Variants in TCHP observed in about 807,000 individuals in gnomAD.
TCHP encodes trichoplein keratin filament-binding protein.
A neutral mutation model predicts 88.7 loss-of-function variants in TCHP; 81 were observed. The ratio of observed to expected loss-of-function variants is 0.91; its 90% CI spans 0.76 to 1.10. The LOEUF (loss-of-function observed/expected upper bound fraction) is 1.10. Ranked by LOEUF, TCHP falls within the 50% of genes least tolerant of loss-of-function variation. The pLI is 0.00. For synonymous variants in TCHP, 232 were observed against 232.5 expected, an observed-to-expected ratio of 1.00 and a Z score of 0.02; for missense variants, 641 against 632.1, an observed-to-expected ratio of 1.01 and a Z score of -0.15.
At chr12:109,885,780 CTTTT>C in the TCHP span, among the ~76,000 whole-genome samples, 1 of 143,702 alleles carries the variant, frequency 7.0e-6, no homozygotes, top group Non-Finnish European at 1.5e-5. Context: ...CGCACCCCGC[CTTTT>C]TTTTTTTTTA....
At position 109,903,806 on chromosome 12, in the gene TCHP, G is replaced by A. The variant is rs192142670; in HGVS notation, c.189-131G>A. The A allele has an allele frequency of 3.8e-4, 276 of 724,318 alleles. 2 individuals carry two copies. In the African/African-American group the frequency reaches 4.6e-3, roughly 12 times the overall value. The allele number at this position is 724,318 out of a possible 1,614,324, so 44.9% of individuals were successfully genotyped here. A position where few individuals can be genotyped will look rare whatever the true frequency, so the allele number is the denominator to read the frequency against. On this transcript the variant is annotated intron_variant, in intron 2 of 12. Coordinates refer to ENST00000405876, the MANE Select transcript of TCHP (RefSeq NM_001143852.2). This position sits in a 1 kb window ranked among gnomAD's most constrained non-coding sequence, Gnocchi z 4.6. ...TACTATTCTGTGACCTGCTGTCTCT[G>A]CTTTGGCTGGGGACACATTCCTGTG...
At chr12:109,906,346 A>G (rs929539397) in intron 4 of TCHP, among the ~76,000 whole-genome samples, 1 of 152,124 alleles carries the variant, frequency 6.6e-6, no homozygotes, top group South Asian at 2.1e-4. Flanking sequence ...AGCTCAAAAG[A>G]TTGGTGTAGG....
chr12:109,916,205 G>A (rs750799500), intron 12 of TCHP, among the ~76,000 whole-genome samples: 9 of 152,216 alleles, frequency 5.9e-5, no homozygotes, highest in African/African-American at 2.2e-4. Flanking sequence ...CAGAATGAGG[G>A]CTGGCTCCCT....
the TCHP span, among the ~76,000 whole-genome samples, chr12:109,884,349 C>T: frequency 4.6e-5 from 7 of 151,956 alleles, no homozygotes; most frequent in African/African-American, 9.7e-5. Flanking sequence ...CCACCACACC[C>T]GGCTAATTTG....
chr12:109,892,255 A>G, the TCHP span, among the ~76,000 whole-genome samples: 1 of 152,184 alleles, frequency 6.6e-6, no homozygotes, highest in African/African-American at 2.4e-5. Flanking sequence ...TCCTGACACC[A>G]AGTGACCTGG....
chr12:109,881,544 C>G, the TCHP span, among the ~76,000 whole-genome samples: 4 of 152,236 alleles, frequency 2.6e-5, no homozygotes, highest in South Asian at 2.1e-4. Context: ...TGAGCCTCTA[C>G]GCTCAAGCCT....
In TCHP at chr12:109,907,197, G is replaced by A. The variant is rs141820895; in HGVS notation, c.526-329G>A. 1.2e-3 allele frequency among the ~76,000 whole-genome samples: 186 copies of A among 152,370 alleles called. 1 individual carries two copies. Among genetic ancestry groups the A allele is most frequent in the African/African-American group, 4.0e-3 (166 of 41,586 alleles). On this transcript the variant is annotated intron_variant, in intron 5 of 12. Transcript: ENST00000405876. Reference sequence around the variant, plus strand: ...GCCACAGGGTCCAGCTAGGACGTGTGTCTTTAAGGGCATTTTTGTCTCTCT... The same window carrying A: ...GCCACAGGGTCCAGCTAGGACGTGTATCTTTAAGGGCATTTTTGTCTCTCT...
At chr12:109,914,961 A>G in intron 11 of TCHP, 1 of 395,234 alleles carries the variant, frequency 2.5e-6, no homozygotes, top group Non-Finnish European at 4.7e-6. Context: ...ACCTGGCCAC[A>G]GGCCGAGCTT....
the TCHP span, among the ~76,000 whole-genome samples, chr12:109,883,835 G>A: frequency 2.4e-4 from 36 of 152,306 alleles, no homozygotes; most frequent in East Asian, 6.9e-3. Context: ...GCAGCATCTT[G>A]AAAGTTCATC....
At chr12:109,891,704 A>G in the TCHP span, among the ~76,000 whole-genome samples, 9 of 149,158 alleles carry the variant, frequency 6.0e-5, no homozygotes, top group African/African-American at 2.3e-4. Flanking sequence ...CCCAGCCCCA[A>G]TATTTGCTTT....
At chr12:109,884,544 C>A in the TCHP span, among the ~76,000 whole-genome samples, 1 of 152,198 alleles carries the variant, frequency 6.6e-6, no homozygotes, top group African/African-American at 2.4e-5. Flanking sequence ...CTATCAGGCT[C>A]TTCACCTGAC....
intron 1 of TCHP, among the ~76,000 whole-genome samples, chr12:109,902,232 G>A (rs1468142837): frequency 6.6e-6 from 1 of 151,968 alleles, no homozygotes. Flanking sequence ...GTGCAGTGGC[G>A]CTATCATGGC....
At position 109,905,950 on chromosome 12, in the gene TCHP, C is replaced by T. The variant is rs1054233242; in HGVS notation, c.457-622C>T. Reference sequence around the variant, plus strand: ...ACCTGGGCTCAAGTGATCCTCCCACCTCAGCCTCCCGAGTAGCTGAGACTA... The same window carrying T: ...ACCTGGGCTCAAGTGATCCTCCCACTTCAGCCTCCCGAGTAGCTGAGACTA... On this transcript the variant is annotated intron_variant, in intron 4 of 12. Coordinates refer to ENST00000405876, the MANE Select transcript of TCHP (RefSeq NM_001143852.2). The surrounding 1 kb of genome is among the most constrained non-coding windows in gnomAD (Gnocchi z 4.0). 1.3e-5 allele frequency among the ~76,000 whole-genome samples: 2 copies of T among 152,232 alleles called. No individual in the cohort carries two copies. The highest frequency in any genetic ancestry group is 1.5e-5 in the Non-Finnish European group (1 of 68,046).
At chr12:109,882,814 G>A in the TCHP span, among the ~76,000 whole-genome samples, 2 of 151,536 alleles carry the variant, frequency 1.3e-5, no homozygotes, top group Non-Finnish European at 2.9e-5. Context: ...TTGCCACCAC[G>A]CCTGGCTAAT....
chr12:109,907,726 ACCT>A lies in TCHP; in HGVS notation c.699+33_699+35del, dbSNP rs756719689. 3.8e-6 allele frequency: 6 copies of A among 1,568,968 alleles called. No homozygotes were observed. The East Asian group carries it at 1.4e-4, about 37-fold the overall frequency. On this transcript the variant is annotated intron_variant, in intron 6 of 12. Coordinates refer to ENST00000405876, the MANE Select transcript of TCHP (RefSeq NM_001143852.2). ...TGGGCACAAGCCCCTCTCAGCCGTG[ACCT>A]CCTCCACAGCTGCTCGTTAGCATGA...
upstream of TCHP, among the ~76,000 whole-genome samples, chr12:109,895,411 G>A (rs780530202): frequency 2.6e-4 from 40 of 151,512 alleles, no homozygotes; most frequent in Admixed American, 1.3e-4. Flanking sequence ...TGGGGTGGGG[G>A]GTCTCTCTAT....
At chr12:109,882,516 C>T in the TCHP span, among the ~76,000 whole-genome samples, 2 of 149,402 alleles carry the variant, frequency 1.3e-5, no homozygotes, top group East Asian at 2.0e-4. Flanking sequence ...TGCAAGGAAT[C>T]GGGGGGCCAG....
the TCHP span, among the ~76,000 whole-genome samples, chr12:109,882,561 G>C: frequency 6.6e-6 from 1 of 151,814 alleles, no homozygotes; most frequent in Non-Finnish European, 1.5e-5. Flanking sequence ...GAGGGCAAGA[G>C]TGAGTAGGGT....
At chr12:109,880,744 G>A in the TCHP span, 1 of 152,330 alleles carries the variant, frequency 6.6e-6, no homozygotes, top group Non-Finnish European at 1.5e-5. This position sits in a 1 kb window ranked among gnomAD's most constrained non-coding sequence, Gnocchi z 5.1. Flanking sequence ...TCTTCCCCAG[G>A]TGTGCCTCCC....
Sources: allele counts gnomAD v4.1 joint callset (sites outside exome capture counted in the v4.1 genomes callset), GRCh38; gene constraint gnomAD v4.1.1; non-coding constraint Gnocchi (gnomAD v3.1); transcripts MANE v1.5; gene names NCBI Gene and HGNC (gene_info 2026-07-23, HGNC 2026-07-21).